CNTNAP2: variants seen among roughly 807,000 people sequenced by gnomAD.
The protein encoded by CNTNAP2 is contactin associated protein 2.
In CNTNAP2, 98 loss-of-function variants were observed where a neutral mutation model predicts 155.2. That is an observed-to-expected ratio of 0.63 (90% confidence interval 0.54 to 0.75). The LOEUF (loss-of-function observed/expected upper bound fraction) is 0.75. CNTNAP2 is among the 30% of genes least tolerant of loss of function. The pLI, the probability that CNTNAP2 is intolerant of heterozygous loss-of-function variation, is 0.00. For synonymous variants in CNTNAP2, 651 were observed against 631.2 expected, an observed-to-expected ratio of 1.03 and a Z score of -0.47; for missense variants, 1,727 against 1,688.1, an observed-to-expected ratio of 1.02 and a Z score of -0.40.
chr7:147,338,781 C>A (rs1359483112), intron 9 of CNTNAP2, among the ~76,000 whole-genome samples: 1 of 151,296 alleles, frequency 6.6e-6, no homozygotes, highest in Non-Finnish European at 1.5e-5. Flanking sequence ...ATTCTGCCAA[C>A]ACAAATATTT....
At chr7:146,890,077 A>G (rs1034769599) in intron 3 of CNTNAP2, among the ~76,000 whole-genome samples, 1 of 152,166 alleles carries the variant, frequency 6.6e-6, no homozygotes, top group African/African-American at 2.4e-5. Flanking sequence ...GCTCCACAGC[A>G]TCCCTTATCT....
chr7:146,675,504 C>T (rs1800383305), intron 1 of CNTNAP2, among the ~76,000 whole-genome samples: 1 of 152,064 alleles, frequency 6.6e-6, no homozygotes, highest in Non-Finnish European at 1.5e-5. Context: ...AAATGATGGG[C>T]AAGGCTTTTT....
intron 11 of CNTNAP2, among the ~76,000 whole-genome samples, chr7:147,499,393 G>C (rs1241508036): frequency 6.6e-6 from 1 of 152,016 alleles, no homozygotes; most frequent in Non-Finnish European, 1.5e-5. Flanking sequence ...GCTGGGCGTG[G>C]TGGCAGGCGC....
chr7:147,489,471 T>C lies in CNTNAP2; in HGVS notation c.1777+3430T>C, dbSNP rs139691174. Among the ~76,000 whole-genome samples, 33 of 152,336 alleles carry C rather than the reference T, an allele frequency of 2.2e-4. No homozygotes were observed. In the East Asian group the frequency reaches 3.5e-3, roughly 16 times the overall value. On this transcript the variant is annotated intron_variant, in intron 11 of 23. Coordinates refer to ENST00000361727, the MANE Select transcript of CNTNAP2 (RefSeq NM_014141.6). Reference sequence around the variant, plus strand: ...TTGAAAAAATTTTCTCATACAGGCATTCCACTCTCCATAAATCCTTTAAGA... The same window carrying C: ...TTGAAAAAATTTTCTCATACAGGCACTCCACTCTCCATAAATCCTTTAAGA...
chr7:148,405,091 T>A (rs1799667920), intron 22 of CNTNAP2, among the ~76,000 whole-genome samples: 1 of 151,980 alleles, frequency 6.6e-6, no homozygotes. Flanking sequence ...TGGGCTCAGG[T>A]TTGTGTGTGG....
chr7:146,789,009 C>T (rs10239703), intron 2 of CNTNAP2, among the ~76,000 whole-genome samples: 66,334 of 151,850 alleles, frequency 0.44, 17,727 homozygotes, highest in African/African-American at 0.76. Flanking sequence ...AAGAACAGAG[C>T]TGATATTCAC....
chr7:147,713,630 G>C (rs191074645), intron 13 of CNTNAP2, among the ~76,000 whole-genome samples: 2 of 152,094 alleles, frequency 1.3e-5, no homozygotes, highest in Non-Finnish European at 2.9e-5. Flanking sequence ...TTGAACATAC[G>C]TTTTCATTTC....
chr7:146,246,776 T>A (rs1089604), intron 1 of CNTNAP2, among the ~76,000 whole-genome samples: 11 of 152,034 alleles, frequency 7.2e-5, no homozygotes, highest in African/African-American at 2.4e-4. Flanking sequence ...CAGATGGGAC[T>A]CGGCTTAGGA....
chr7:147,787,442 A>T (rs771964927), intron 13 of CNTNAP2, among the ~76,000 whole-genome samples: 5 of 152,236 alleles, frequency 3.3e-5, no homozygotes, highest in Non-Finnish European at 7.3e-5. Flanking sequence ...ATCAAATATT[A>T]ATTCTGTTTG....
chr7:147,962,724 G>A (rs888085551), intron 14 of CNTNAP2, among the ~76,000 whole-genome samples: 6 of 152,194 alleles, frequency 3.9e-5, no homozygotes, highest in Admixed American at 3.9e-4. Context: ...CTACGTGGTA[G>A]GCACTGTGCT....
chr7:147,607,077 ATC>A (rs1324768930), intron 12 of CNTNAP2, among the ~76,000 whole-genome samples: 2 of 152,210 alleles, frequency 1.3e-5, no homozygotes, highest in Non-Finnish European at 2.9e-5. Flanking sequence ...CTAGCTAATT[ATC>A]CTCACTAAGG....
chr7:148,078,917 C>CA (rs1453885449), intron 15 of CNTNAP2, among the ~76,000 whole-genome samples: 1 of 152,132 alleles, frequency 6.6e-6, no homozygotes, highest in African/African-American at 2.4e-5. Flanking sequence ...AATGTCACAA[C>CA]AAATAGCTTT....
At chr7:146,997,925 G>A (rs1798343388) in intron 3 of CNTNAP2, among the ~76,000 whole-genome samples, 1 of 152,058 alleles carries the variant, frequency 6.6e-6, no homozygotes, top group Non-Finnish European at 1.5e-5. Context: ...TATGTGTTGA[G>A]TATTCTCTTT....
intron 1 of CNTNAP2, among the ~76,000 whole-genome samples, chr7:146,377,958 A>G (rs1197939014): frequency 6.6e-6 from 1 of 152,108 alleles, no homozygotes; most frequent in Non-Finnish European, 1.5e-5. Context: ...CTCATCCACA[A>G]TTCTTATGTT....
intron 13 of CNTNAP2, among the ~76,000 whole-genome samples, chr7:147,850,153 T>C (rs1332026818): frequency 6.6e-6 from 1 of 152,052 alleles, no homozygotes; most frequent in Non-Finnish European, 1.5e-5. Flanking sequence ...GTAAAAATCT[T>C]TAAAAAATAA....
chr7:147,815,156 A>T (rs116841631), intron 13 of CNTNAP2, among the ~76,000 whole-genome samples: 2,109 of 152,264 alleles, frequency 0.014, 28 homozygotes, highest in Non-Finnish European at 0.022. Flanking sequence ...CACAATAGCA[A>T]TATTAATTAG....
chr7:147,755,984 C>G (rs1441405459), intron 13 of CNTNAP2, among the ~76,000 whole-genome samples: 4 of 152,180 alleles, frequency 2.6e-5, no homozygotes, highest in Non-Finnish European at 5.9e-5. Context: ...TGAAGAGTCG[C>G]TTCACAGTAT....
At chr7:148,189,134 A>G (rs1795164649) in intron 18 of CNTNAP2, among the ~76,000 whole-genome samples, 1 of 152,232 alleles carries the variant, frequency 6.6e-6, no homozygotes, top group Non-Finnish European at 1.5e-5. Flanking sequence ...AAGTACATGC[A>G]GTATACACTG....
At chr7:146,268,594 C>T (rs1395989917) in intron 1 of CNTNAP2, among the ~76,000 whole-genome samples, 5 of 152,122 alleles carry the variant, frequency 3.3e-5, no homozygotes, top group Admixed American at 2.6e-4. Context: ...ATCTGCTTTT[C>T]CATCTCCACC....
Sources: allele counts gnomAD v4.1 joint callset (sites outside exome capture counted in the v4.1 genomes callset), GRCh38; gene constraint gnomAD v4.1.1; transcripts MANE v1.5; gene names NCBI Gene and HGNC (gene_info 2026-07-23, HGNC 2026-07-21).